WDFY3: variants seen among roughly 807,000 people sequenced by gnomAD.
WDFY3 encodes the protein WD repeat and FYVE domain-containing protein 3.
In WDFY3, 66 loss-of-function variants were observed where a neutral mutation model predicts 409.6. The observed-to-expected ratio is 0.16, with a 90% confidence interval of 0.13 to 0.20. WDFY3 has a LOEUF of 0.20. Among genes scored for constraint, WDFY3 ranks in the 10% least tolerant of loss-of-function variants. The pLI is 1.00. For missense variants in WDFY3, 3,031 were observed against 4,298.1 expected, an observed-to-expected ratio of 0.71 and a Z score of 8.24; for synonymous variants, 1,521 against 1,537.1, an observed-to-expected ratio of 0.99 and a Z score of 0.25.
rs542364072 is a variant in WDFY3 at position 84,838,896 on chromosome 4, C to A, written c.415-1806G>T. Among the ~76,000 whole-genome samples, 13 of 152,126 alleles carry A rather than the reference C, an allele frequency of 8.5e-5. No individual in the cohort carries two copies. The East Asian group carries it at 1.2e-3, about 14-fold the overall frequency. On this transcript the variant is annotated intron_variant, in intron 6 of 67. Transcript: ENST00000295888. Reference sequence around the variant, plus strand: ...CCATTATTAAATATTATGGTACTATCTTTTTCTGCTTCATCTCTTACATCT... The same window carrying A: ...CCATTATTAAATATTATGGTACTATATTTTTCTGCTTCATCTCTTACATCT...
chr4:84,704,263 G>A, intron 55 of WDFY3, 75 bp downstream of exon 55: 2 of 1,051,298 alleles, frequency 1.9e-6, no homozygotes, highest in South Asian at 3.8e-5. Context: ...AGAAGATAAT[G>A]ATGTTTTAAA....
chr4:84,817,664 A>T, intron 12 of WDFY3, 79 bp from the exon 13 acceptor site: 1 of 1,297,336 alleles, frequency 7.7e-7, no homozygotes, highest in South Asian at 1.4e-5. Flanking sequence ...ACATTCAGTT[A>T]TTTTTTGTAG....
rs1237428741 is a variant in WDFY3, at chr4:84,718,523, A to G, written c.7653T>C (p.Ser2551=). ...CTTTACCAAAAAGAAGGAGCCCCTCACTGGTATCTAGGCCCTGGACTCGAG... is the reference window on the plus strand; with the variant it reads ...CTTTACCAAAAAGAAGGAGCCCCTCGCTGGTATCTAGGCCCTGGACTCGAG... ...RCARVQGLDT[S]EGLLLFGKEH... is the part of the protein sequence containing the mutation. The change falls in exon 48 of 68, where the codon AGT becomes AGC. Residue 2551 remains serine, a synonymous_variant. Coordinates refer to ENST00000295888, the MANE Select transcript of WDFY3 (RefSeq NM_014991.6). 1 of 1,614,026 alleles carries G rather than the reference A, an allele frequency of 6.2e-7. No individual in the cohort carries two copies. Among genetic ancestry groups the G allele is most frequent in the Admixed American group, 1.7e-5 (1 of 60,002 alleles).
chr4:84,917,916 C>T (rs1330458816), intron 2 of WDFY3, among the ~76,000 whole-genome samples: 1 of 152,098 alleles, frequency 6.6e-6, no homozygotes, highest in African/African-American at 2.4e-5. Context: ...ACAGACATCT[C>T]CCCCTATATA....
At chr4:84,850,559 C>T (rs1304769170) in intron 4 of WDFY3, among the ~76,000 whole-genome samples, 2 of 152,106 alleles carry the variant, frequency 1.3e-5, no homozygotes, top group African/African-American at 4.8e-5. Flanking sequence ...TCTGGTGATC[C>T]GCCTGCCTCA....
chr4:84,798,173 A>T, intron 17 of WDFY3, 65 bp from the exon 18 acceptor site: 1 of 1,337,748 alleles, frequency 7.5e-7, no homozygotes, highest in African/African-American at 1.5e-5. Flanking sequence ...TTAACCAAAT[A>T]TTCAGAAAAA....
chr4:84,962,621 T>C (rs933757274), intron 1 of WDFY3, among the ~76,000 whole-genome samples: 1 of 152,184 alleles, frequency 6.6e-6, no homozygotes, highest in South Asian at 2.1e-4. Flanking sequence ...TTTCACTACA[T>C]GTAAATTATG....
At chr4:84,697,852 C>T (rs184395141) in intron 56 of WDFY3, among the ~76,000 whole-genome samples, 4 of 152,232 alleles carry the variant, frequency 2.6e-5, no homozygotes, top group East Asian at 1.9e-4. Flanking sequence ...CAAGTGGAAG[C>T]GAATAAAATA....
chr4:84,850,926 C>CTTTTTTTTTTTTTTTTTTTTTTTTTTT (rs781440189), intron 4 of WDFY3, among the ~76,000 whole-genome samples: 22 of 32,156 alleles, frequency 6.8e-4, no homozygotes, highest in South Asian at 1.4e-3. Flanking sequence ...TTTTATTTAT[C>CTTTTTTTTTTTTTTTTTTTTTTTTTTT]TGTTTTTTTT....
At position 84,817,583 on chromosome 4, in the gene WDFY3, T is replaced by C. The variant is rs368955541; in HGVS notation, c.1696A>G (p.Ile566Val). 3.8e-6 allele frequency: 6 copies of C among 1,591,946 alleles called. No homozygotes were observed. In the African/African-American group the frequency reaches 5.4e-5, roughly 14 times the overall value. ...LLQGSNTNAGIFREFGGARCA... is the reference protein window; with the variant it reads ...LLQGSNTNAGVFREFGGARCA... ...CTTGCACCTCCAAATTCTCGAAAAA[T>C]TCCTTGAAGGAAGGAGAAAAAGTCC... The change falls in exon 13 of 68, where the codon ATT becomes GTT. Residue 566 changes from isoleucine to valine, a missense_variant and splice_region_variant. By Grantham distance (29) the Ile-to-Val change is conservative (BLOSUM62 3). Around this residue, in one of 16 missense-constraint regions of WDFY3, gnomAD observed 1,322 missense variants for 1,697.9 expected, o/e 0.78. Coordinates refer to ENST00000295888, the MANE Select transcript of WDFY3 (RefSeq NM_014991.6).
At chr4:84,953,765 T>C (rs1478777646) in intron 1 of WDFY3, among the ~76,000 whole-genome samples, 1 of 152,162 alleles carries the variant, frequency 6.6e-6, no homozygotes. Context: ...AAACCTGTTC[T>C]GATTCACTGA....
intron 58 of WDFY3, among the ~76,000 whole-genome samples, chr4:84,695,526 AGAGAGAGAG>A: frequency 6.6e-6 from 1 of 150,478 alleles, no homozygotes; most frequent in African/African-American, 2.5e-5. Flanking sequence ...AGAGAGAGAG[AGAGAGAGAG>A]AGAGAGAGAG....
chr4:84,753,712 G>A lies in WDFY3; in HGVS notation c.5724C>T (p.Arg1908=), dbSNP rs377421319. ...LAATVFPFNI[R]PYSEMVTDLD... ...CCTTTCCTACCATCTCTGAGTAAGG[G>A]CGAATATTGAAGGGGAAGACGGTGG... is the stretch of plus-strand genomic sequence containing the variant. Residue 1908 remains arginine, a synonymous_variant, in exon 35 of 68, where the codon CGC becomes CGT. Coordinates refer to ENST00000295888, the MANE Select transcript of WDFY3 (RefSeq NM_014991.6). 1 of 1,588,546 alleles carries A rather than the reference G, an allele frequency of 6.3e-7. No individual in the cohort carries two copies. The highest frequency in any genetic ancestry group is 8.6e-7 in the Non-Finnish European group (1 of 1,169,362).
intron 2 of WDFY3, among the ~76,000 whole-genome samples, chr4:84,901,948 C>A (rs1269008422): frequency 2.6e-5 from 4 of 152,164 alleles, no homozygotes; most frequent in Non-Finnish European, 4.4e-5. Context: ...TGACATACTG[C>A]ATGAAGAAAT....
At chr4:84,858,872 C>A (rs1760140718) in intron 4 of WDFY3, among the ~76,000 whole-genome samples, 1 of 151,018 alleles carries the variant, frequency 6.6e-6, no homozygotes, top group African/African-American at 2.4e-5. Context: ...AGGGGAGAGT[C>A]AGAGACAGGG....
intron 45 of WDFY3, 130 bp from the exon 46 acceptor site, chr4:84,724,724 T>C: frequency 1.1e-6 from 1 of 885,526 alleles, no homozygotes; most frequent in Non-Finnish European, 1.6e-6. Context: ...TGTATGTATA[T>C]ACAGTAAATC....
chr4:84,743,937 G>A (rs1339223746), intron 36 of WDFY3, 138 bp from the exon 37 acceptor site: 1 of 424,458 alleles, frequency 2.4e-6, no homozygotes, highest in Non-Finnish European at 3.9e-6. Context: ...ATGAGAGATG[G>A]TATACATGCT....
chr4:84,789,824 C>T lies in WDFY3; in HGVS notation c.3571G>A (p.Gly1191Arg). The T allele has an allele frequency of 1.2e-6, 2 of 1,614,012 alleles. No homozygotes were observed. The highest frequency in any genetic ancestry group is 1.7e-6 in the Non-Finnish European group (2 of 1,180,010). Reference sequence around the variant, plus strand: ...ACCAGGACCAAATGATGCCACTGTCCCTCAATGATAAGCTCTCCACATCGA... The same window carrying T: ...ACCAGGACCAAATGATGCCACTGTCTCTCAATGATAAGCTCTCCACATCGA... ...RFRCGELIIE[G>R]QWHHLVLVMS... Residue 1191 changes from glycine (G) to arginine (R), a missense_variant, in exon 22 of 68, where the codon GGA becomes AGA. By Grantham distance (125) the Gly-to-Arg change is moderately radical. This residue lies in a region of WDFY3 where 1,322 missense variants were observed against 1,697.9 expected (regional missense o/e 0.78). Coordinates refer to ENST00000295888, the MANE Select transcript of WDFY3 (RefSeq NM_014991.6).
chr4:84,741,652 A>G (rs1738452011), intron 38 of WDFY3, 109 bp downstream of exon 38: 2 of 1,247,226 alleles, frequency 1.6e-6, no homozygotes, highest in Non-Finnish European at 2.2e-6. Context: ...GCTTTTTCTT[A>G]AATGTTAACA....
Sources: gnomAD v4.1 joint callset for allele counts (sites outside exome capture counted in the v4.1 genomes callset) on GRCh38, gnomAD v4.1.1 for gene constraint, gnomAD v4.1.1 regional missense constraint, MANE v1.5 for transcripts, NCBI Gene and HGNC (gene_info 2026-07-23, HGNC 2026-07-21) for gene names.